The following MTA3 variants were observed in gnomAD, a reference collection of about 807,000 sequenced individuals.
MTA3 encodes metastasis associated 1 family member 3.
In MTA3, 34 loss-of-function variants were observed where a neutral mutation model predicts 83.5. The observed-to-expected ratio is 0.41, with a 90% CI of 0.31 to 0.54. The LOEUF is 0.54. MTA3 is among the 20% of genes least tolerant of loss of function. The pLI, the probability that MTA3 is intolerant of heterozygous loss-of-function variation, is 0.33. For synonymous variants in MTA3, 303 were observed against 252.7 expected, an observed-to-expected ratio of 1.20 and a Z score of -1.89; for missense variants, 761 against 726.4, an observed-to-expected ratio of 1.05 and a Z score of -0.55.
rs1670090679 is a variant in MTA3 at position 42,754,269 on chromosome 2, C to G, written c.*870C>G. Reference sequence around the variant, plus strand: ...GCCAGGTGGGTCCTACAGCAGGTCACAAATGACCTAGTTTCATTTTAAGCA... The same window carrying G: ...GCCAGGTGGGTCCTACAGCAGGTCAGAAATGACCTAGTTTCATTTTAAGCA... On this transcript the variant is annotated 3_prime_UTR_variant, in exon 17 of 17. Coordinates refer to ENST00000405094, the MANE Select transcript of MTA3 (RefSeq NM_001330442.2). 1 of 985,348 alleles carries G rather than the reference C, an allele frequency of 1.0e-6. No individual in the cohort carries two copies. The highest frequency in any genetic ancestry group is 1.2e-6 in the Non-Finnish European group (1 of 829,970). 61.0% of individuals were successfully genotyped at this position (985,348 alleles called of 1,614,324 possible). A position where few individuals can be genotyped will look rare whatever the true frequency, so the allele number is the denominator to read the frequency against.
chr2:42,575,884 C>T (rs1172024004), intron 2 of MTA3, among the ~76,000 whole-genome samples: 6 of 152,174 alleles, frequency 3.9e-5, no homozygotes, highest in Non-Finnish European at 8.8e-5. Context: ...CTCCTCCCTC[C>T]GCCTACCTGT....
chr2:42,606,457 C>T (rs549537604), intron 3 of MTA3, among the ~76,000 whole-genome samples: 3 of 150,464 alleles, frequency 2.0e-5, no homozygotes, highest in East Asian at 2.0e-4. Context: ...ACATCTCAGA[C>T]GATCTCCTCA....
At chr2:42,696,433 G>C (rs1169500305) in intron 10 of MTA3, among the ~76,000 whole-genome samples, 2 of 152,096 alleles carry the variant, frequency 1.3e-5, no homozygotes, top group Non-Finnish European at 2.9e-5. Flanking sequence ...TACCTCTGGG[G>C]AAAGGCACAT....
chr2:42,690,675 A>AT (rs199742958), intron 9 of MTA3, among the ~76,000 whole-genome samples: 2,044 of 127,218 alleles, frequency 0.016, 48 homozygotes, highest in African/African-American at 0.06. Flanking sequence ...AAATTTTTTA[A>AT]TTTAATTTTT....
intron 4 of MTA3, among the ~76,000 whole-genome samples, chr2:42,628,167 C>G (rs933288598): frequency 1.3e-5 from 2 of 152,038 alleles, no homozygotes; most frequent in African/African-American, 2.4e-5. Context: ...CATGCTTGAG[C>G]CACCGTGCCC....
At chr2:42,689,949 A>T (rs1692726930) in intron 9 of MTA3, among the ~76,000 whole-genome samples, 1 of 150,410 alleles carries the variant, frequency 6.6e-6, no homozygotes, top group South Asian at 2.1e-4. Flanking sequence ...CTTTGGACTT[A>T]ATTGCTTTTT....
At chr2:42,609,181 C>T (rs758245137) in intron 3 of MTA3, among the ~76,000 whole-genome samples, 9 of 151,952 alleles carry the variant, frequency 5.9e-5, no homozygotes, top group Non-Finnish European at 1.2e-4. Flanking sequence ...CAGGCGCCCA[C>T]CACCATGCCA....
At chr2:42,658,189 C>T (rs1310342445) in intron 7 of MTA3, among the ~76,000 whole-genome samples, 1 of 150,396 alleles carries the variant, frequency 6.6e-6, no homozygotes, top group African/African-American at 2.4e-5. Flanking sequence ...CAGTGCTAAG[C>T]ATTGATCAAG....
At chr2:42,550,609 A>G (rs1159009558) in intron 2 of MTA3, among the ~76,000 whole-genome samples, 4 of 152,204 alleles carry the variant, frequency 2.6e-5, no homozygotes, top group Non-Finnish European at 5.9e-5. Flanking sequence ...TTGGCAGAGT[A>G]CATGGGGAGA....
intron 3 of MTA3, among the ~76,000 whole-genome samples, chr2:42,595,268 C>G (rs1432364249): frequency 6.7e-6 from 1 of 148,302 alleles, no homozygotes; most frequent in Non-Finnish European, 1.5e-5. Context: ...TGCCACCATG[C>G]CCGGCTAATT....
chr2:42,546,162 A>G (rs764215332), intron 2 of MTA3, among the ~76,000 whole-genome samples: 1 of 152,178 alleles, frequency 6.6e-6, no homozygotes, highest in Non-Finnish European at 1.5e-5. Context: ...AGCTAACAGC[A>G]ATAACAATGG....
intron 3 of MTA3, among the ~76,000 whole-genome samples, chr2:42,592,253 C>T (rs1344802964): frequency 6.6e-6 from 1 of 151,798 alleles, no homozygotes; most frequent in African/African-American, 2.4e-5. Context: ...CAGAGTGAGA[C>T]TCTATCTCAA....
intron 16 of MTA3, among the ~76,000 whole-genome samples, chr2:42,729,869 AG>A (rs1412834945): frequency 6.6e-6 from 1 of 152,208 alleles, no homozygotes; most frequent in Non-Finnish European, 1.5e-5. Context: ...TTGAATCCAT[AG>A]ATTGCTTTGA....
In MTA3 at chr2:42,756,768, C is replaced by T. The variant is rs1558648910; in HGVS notation, c.*3369C>T. On this transcript the variant is annotated 3_prime_UTR_variant, in exon 17 of 17. Coordinates refer to ENST00000405094, the MANE Select transcript of MTA3 (RefSeq NM_001330442.2). ...TGTCCACCCCTCCTGTTCCTCTGCA[C>T]TATGTCTCTGATTTTCCCTGCCAGG... 1 of 985,498 alleles carries T rather than the reference C, an allele frequency of 1.0e-6. No homozygotes were observed. 61.0% of individuals were successfully genotyped at this position (985,498 alleles called of 1,614,324 possible).
chr2:42,515,297 G>T (rs1384486744), intron 2 of MTA3, among the ~76,000 whole-genome samples: 1 of 151,820 alleles, frequency 6.6e-6, no homozygotes, highest in Non-Finnish European at 1.5e-5. Context: ...GACATCAGGT[G>T]ATCTGCCCAC....
intron 2 of MTA3, among the ~76,000 whole-genome samples, chr2:42,504,300 C>T (rs554000058): frequency 3.9e-5 from 6 of 152,138 alleles, no homozygotes; most frequent in South Asian, 2.1e-4. Flanking sequence ...AGTCTAGTGG[C>T]GTGATCTTGG....
intron 2 of MTA3, among the ~76,000 whole-genome samples, chr2:42,541,175 G>T (rs1676503137): frequency 6.6e-6 from 1 of 152,052 alleles, no homozygotes; most frequent in South Asian, 2.1e-4. Context: ...GGGATTACAG[G>T]CATGCACCAC....
At chr2:42,634,204 A>T (rs1686967933) in intron 4 of MTA3, among the ~76,000 whole-genome samples, 1 of 152,196 alleles carries the variant, frequency 6.6e-6, no homozygotes, top group African/African-American at 2.4e-5. Flanking sequence ...AAAACCTGAT[A>T]TATAGAGTCA....
intron 16 of MTA3, 95 bp downstream of exon 16, chr2:42,723,130 T>A: frequency 7.5e-7 from 1 of 1,341,956 alleles, no homozygotes; most frequent in Non-Finnish European, 1.0e-6. Context: ...TATAAGCATG[T>A]TCTTGTATTC....
Sources: gnomAD v4.1 joint callset for allele counts (sites outside exome capture counted in the v4.1 genomes callset) on GRCh38, gnomAD v4.1.1 for gene constraint, MANE v1.5 for transcripts, NCBI Gene and HGNC (gene_info 2026-07-23, HGNC 2026-07-21) for gene names.